BCAS3: variants seen among roughly 807,000 people sequenced by gnomAD.
BCAS3 encodes BCAS4/BCAS3 fusion.
BCAS3 carries 53 observed loss-of-function variants against 116.1 expected under a neutral mutation model. The observed-to-expected ratio is 0.46, with a 90% confidence interval of 0.37 to 0.57. The LOEUF (loss-of-function observed/expected upper bound fraction) is 0.57, where lower values mean the gene tolerates loss of function less well. Among genes scored for constraint, BCAS3 ranks in the 20% least tolerant of loss-of-function variants. BCAS3 has a pLI of 0.00. For synonymous variants in BCAS3, 391 were observed against 408.2 expected (o/e 0.96, Z 0.51); for missense variants, 917 against 1,165.4 (o/e 0.79, Z 3.10).
chr17:60,938,482 C>G (rs1003823712), intron 13 of BCAS3, among the ~76,000 whole-genome samples: 1 of 152,032 alleles, frequency 6.6e-6, no homozygotes, highest in African/African-American at 2.4e-5. Flanking sequence ...TAAATCTTTA[C>G]TAACATCATA....
intron 22 of BCAS3, among the ~76,000 whole-genome samples, chr17:61,246,794 T>TGTGTGG (rs2048001610): frequency 3.3e-5 from 1 of 30,290 alleles, no homozygotes; most frequent in African/African-American, 7.0e-5. Context: ...TGAGTGAGAG[T>TGTGTGG]GTGTGTGTGT....
intron 14 of BCAS3, among the ~76,000 whole-genome samples, chr17:60,975,503 CTAGT>C (rs781325961): frequency 5.3e-5 from 8 of 152,176 alleles, no homozygotes; most frequent in Non-Finnish European, 2.9e-5. Context: ...AGGAAACTGG[CTAGT>C]TAGTGTTCCT....
chr17:60,894,035 C>T (rs1317349002), intron 10 of BCAS3, among the ~76,000 whole-genome samples: 1 of 152,070 alleles, frequency 6.6e-6, no homozygotes, highest in Admixed American at 6.6e-5. Context: ...TGGCCATTTG[C>T]TGCCCCACCC....
intron 13 of BCAS3, among the ~76,000 whole-genome samples, chr17:60,931,732 A>G (rs747730847): frequency 1.2e-4 from 18 of 152,106 alleles, no homozygotes; most frequent in Non-Finnish European, 1.9e-4. Context: ...GTCACACTCA[A>G]TGCTTCAGTT....
Position 61,007,671 on chromosome 17 carries a change from T to TGTAGTGGG in BCAS3, c.1487-8079_1487-8078insTAGTGGGG, listed in dbSNP as rs2064812838. Reference sequence around the variant, plus strand: ...CTTTGTATGTAGTGGGGAGAAGTGATGACACTATCATTAATAATCTCAATC... The same window carrying TGTAGTGGG: ...CTTTGTATGTAGTGGGGAGAAGTGATGTAGTGGGGACACTATCATTAATAATCTCAATC... On this transcript the variant is annotated intron_variant, in intron 15 of 23. Coordinates refer to ENST00000407086, the MANE Select transcript of BCAS3 (RefSeq NM_017679.5). The surrounding 1 kb of genome is among the most constrained non-coding windows in gnomAD (Gnocchi z 4.3). Among the ~76,000 whole-genome samples the TGTAGTGGG allele has an allele frequency of 1.3e-5, 2 of 151,634 alleles. No individual in the cohort carries two copies. The highest frequency in any genetic ancestry group is 2.9e-5 in the Non-Finnish European group (2 of 67,912).
rs943257000 is a variant in BCAS3, at chr17:61,204,641, T to C, written c.2425+120077T>C. 6.6e-6 allele frequency among the ~76,000 whole-genome samples: 1 copy of C among 152,230 alleles called. No individual in the cohort carries two copies. Among genetic ancestry groups the C allele is most frequent in the African/African-American group, 2.4e-5 (1 of 41,454 alleles). On this transcript the variant is annotated intron_variant, in intron 22 of 23. Coordinates refer to ENST00000407086, the MANE Select transcript of BCAS3 (RefSeq NM_017679.5). The surrounding 1 kb of genome is among the most constrained non-coding windows in gnomAD (Gnocchi z 4.2). Reference sequence around the variant, plus strand: ...CTCTGAAAACACAGTACCAGGGTTTTTTTGTTTTCGTTTTTCTTTAAATCT... The same window carrying C: ...CTCTGAAAACACAGTACCAGGGTTTCTTTGTTTTCGTTTTTCTTTAAATCT...
chr17:60,868,620 C>G lies in BCAS3; in HGVS notation c.521C>G (p.Thr174Ser), dbSNP rs949430011. ...TGTGTGGATCTGTATTCACTTCGTACTGGGGAGATGGTCAAGTCCATTCAA... is the reference window on the plus strand; with the variant it reads ...TGTGTGGATCTGTATTCACTTCGTAGTGGGGAGATGGTCAAGTCCATTCAA... ...YCCVDLYSLRTGEMVKSIQFK... is the reference protein window; with the variant it reads ...YCCVDLYSLRSGEMVKSIQFK... Residue 174 changes from threonine to serine, a missense_variant, in exon 8 of 24, where the codon ACT (threonine) becomes AGT (serine). Physicochemically the swap from Thr to Ser is moderately conservative, Grantham distance 58. This residue lies in a region of BCAS3 where 807 missense variants were observed against 1,026.0 expected (regional missense o/e 0.79). Coordinates refer to ENST00000407086, the MANE Select transcript of BCAS3 (RefSeq NM_017679.5). 5.1e-5 allele frequency: 82 copies of G among 1,603,422 alleles called. No individual in the cohort carries two copies. Among genetic ancestry groups the G allele is most frequent in the Non-Finnish European group, 7.0e-5 (82 of 1,176,116 alleles).
rs999699354 is a variant in BCAS3 at position 61,381,523 on chromosome 17, C to T, written c.2594-10454C>T. On this transcript the variant is annotated intron_variant, in intron 23 of 23. Coordinates refer to ENST00000407086, the MANE Select transcript of BCAS3 (RefSeq NM_017679.5). This position sits in a 1 kb window ranked among gnomAD's most constrained non-coding sequence, Gnocchi z 6.0. ...CACCATTCCTTTGGCTAGGCTTGGCCTAGAACACTAGACCAAGAACTGGGT... is the reference window on the plus strand; with the variant it reads ...CACCATTCCTTTGGCTAGGCTTGGCTTAGAACACTAGACCAAGAACTGGGT... 2.0e-5 allele frequency among the ~76,000 whole-genome samples: 3 copies of T among 152,172 alleles called. No homozygotes were observed. The highest frequency in any genetic ancestry group is 4.4e-5 in the Non-Finnish European group (3 of 68,018).
intron 14 of BCAS3, among the ~76,000 whole-genome samples, chr17:60,969,958 A>G (rs897263808): frequency 6.6e-6 from 1 of 152,198 alleles, no homozygotes; most frequent in Non-Finnish European, 1.5e-5. Context: ...AGGATGAAGG[A>G]GCAGTAAAGG....
intron 12 of BCAS3, among the ~76,000 whole-genome samples, chr17:60,922,863 G>A (rs562594448): frequency 6.6e-6 from 1 of 152,228 alleles, no homozygotes; most frequent in African/African-American, 2.4e-5. Flanking sequence ...AAGAAGCTTA[G>A]GGACATTAGC....
chr17:61,026,927 TC>T lies in BCAS3; in HGVS notation c.1638-7736del. ...AGCCCCATGGTGAGTTCCAGTTCAG[TC>T]CCGCATGCCTCATTCATTTGCTGTA... is the stretch of plus-strand genomic sequence containing the variant. On this transcript the variant is annotated intron_variant, in intron 16 of 23. Transcript: ENST00000407086. This position sits in a 1 kb window ranked among gnomAD's most constrained non-coding sequence, Gnocchi z 5.0. 6.3e-7 allele frequency: 1 copy of T among 1,595,304 alleles called. No homozygotes were observed. The highest frequency in any genetic ancestry group is 1.1e-5 in the South Asian group (1 of 87,840).
At chr17:60,854,268 T>C (rs2053457229) in intron 7 of BCAS3, among the ~76,000 whole-genome samples, 1 of 152,206 alleles carries the variant, frequency 6.6e-6, no homozygotes, top group Non-Finnish European at 1.5e-5. Flanking sequence ...ATGGTGTATA[T>C]GTGCCACATT....
chr17:60,878,580 T>G (rs1306396350), intron 9 of BCAS3, among the ~76,000 whole-genome samples: 1 of 152,230 alleles, frequency 6.6e-6, no homozygotes, highest in Non-Finnish European at 1.5e-5. Context: ...TGTGATTTCT[T>G]TCTTCATACT....
rs1032668554 is a variant in BCAS3 at position 61,300,609 on chromosome 17, G to C, written c.2426-67718G>C. The stretch of plus-strand genomic sequence containing the variant: ...ATGGCAGTAAGTAATGCCATGCGAG[G>C]GCAAGCTGGGAACAGTGAACACTCA... On this transcript the variant is annotated intron_variant, in intron 22 of 23. Coordinates refer to ENST00000407086, the MANE Select transcript of BCAS3 (RefSeq NM_017679.5). The surrounding 1 kb of genome is among the most constrained non-coding windows in gnomAD (Gnocchi z 5.1). Among the ~76,000 whole-genome samples the C allele has an allele frequency of 6.6e-6, 1 of 152,146 alleles. No individual in the cohort carries two copies. Among genetic ancestry groups the C allele is most frequent in the African/African-American group, 2.4e-5 (1 of 41,432 alleles).
At chr17:60,786,049 C>T (rs899287892) in intron 6 of BCAS3, among the ~76,000 whole-genome samples, 1 of 152,184 alleles carries the variant, frequency 6.6e-6, no homozygotes, top group African/African-American at 2.4e-5. Flanking sequence ...ACTTGAGCAT[C>T]TGCAGATTTT....
chr17:60,803,494 C>T (rs2047995551), intron 6 of BCAS3, among the ~76,000 whole-genome samples: 1 of 152,098 alleles, frequency 6.6e-6, no homozygotes, highest in African/African-American at 2.4e-5. Context: ...TCATCTATTT[C>T]CAAAATTTCT....
At chr17:61,382,706 G>C (rs1603206761) in intron 23 of BCAS3, 3 of 151,938 alleles carry the variant, frequency 2.0e-5, no homozygotes, top group Admixed American at 2.0e-4. Flanking sequence ...CATAAAGCCT[G>C]TACCACAATG....
At chr17:60,697,261 GAAGA>G (rs1161770576) in intron 4 of BCAS3, among the ~76,000 whole-genome samples, 2 of 147,026 alleles carry the variant, frequency 1.4e-5, no homozygotes, top group Non-Finnish European at 1.5e-5. Flanking sequence ...GCAGGTTTGG[GAAGA>G]AAGATTCAGT....
intron 22 of BCAS3, among the ~76,000 whole-genome samples, chr17:61,275,679 T>C (rs2050706534): frequency 6.6e-6 from 1 of 152,206 alleles, no homozygotes; most frequent in Non-Finnish European, 1.5e-5. Context: ...GCACATGCAC[T>C]TGGCCCAGAA....
Sources: gnomAD v4.1 joint callset for allele counts (sites outside exome capture counted in the v4.1 genomes callset) on GRCh38, gnomAD v4.1.1 for gene constraint, gnomAD v4.1.1 regional missense constraint, Gnocchi (gnomAD v3.1) non-coding constraint, MANE v1.5 for transcripts, NCBI Gene and HGNC (gene_info 2026-07-23, HGNC 2026-07-21) for gene names.